The following MYH14 variants were observed in gnomAD, a reference collection of about 807,000 sequenced individuals.
MYH14 encodes the protein myosin-14.
Under a neutral mutation model 255.5 loss-of-function variants are expected in MYH14, and 123 were observed. The observed-to-expected ratio is 0.48, with a 90% confidence interval of 0.42 to 0.56. The LOEUF (loss-of-function observed/expected upper bound fraction) is 0.56. Ranked by LOEUF, MYH14 falls within the 20% of genes least tolerant of loss-of-function variation. The probability of loss-of-function intolerance (pLI) is 0.00; values close to 1 mark genes in which losing one functional copy is unlikely to be tolerated. For missense variants in MYH14, 2,423 were observed against 2,802.3 expected, an observed-to-expected ratio of 0.86 and a Z score of 3.06; for synonymous variants, 1,095 against 1,161.2, an observed-to-expected ratio of 0.94 and a Z score of 1.16.
At chr19:50,222,479 C>CAAAAAA (rs542179852) in intron 3 of MYH14, among the ~76,000 whole-genome samples, 1 of 69,858 alleles carries the variant, frequency 1.4e-5, no homozygotes. Context: ...GACTCCGTCT[C>CAAAAAA]AAAAAAAAAA....
intron 6 of MYH14, among the ~76,000 whole-genome samples, chr19:50,224,591 A>G (rs1394423354): frequency 6.6e-6 from 1 of 152,086 alleles, no homozygotes; most frequent in East Asian, 1.9e-4. Context: ...ATCTTAACAC[A>G]AGCAAGACAT....
rs1450278458 is a variant in MYH14 at position 50,289,543 on chromosome 19, G to A, written c.4860G>A (p.Lys1620=). The A allele has an allele frequency of 6.2e-7, 1 of 1,612,858 alleles. No individual in the cohort carries two copies. Among genetic ancestry groups the A allele is most frequent in the East Asian group, 2.2e-5 (1 of 44,872 alleles). The change falls in exon 35 of 43, where the codon AAG becomes AAA. Residue 1620 remains lysine (K), a synonymous_variant. Transcript: ENST00000642316. Reference sequence around the variant, plus strand: ...AGCTGACAGCGGCCGAGGATGCCAAGCTGCGTCTGGAGGTGACTGTGCAGG... The same window carrying A: ...AGCTGACAGCGGCCGAGGATGCCAAACTGCGTCTGGAGGTGACTGTGCAGG... ...EDELTAAEDA[K]LRLEVTVQAL...
chr19:50,309,247 G>A, intron 42 of MYH14, 70 bp downstream of exon 42: 2 of 1,459,390 alleles, frequency 1.4e-6, no homozygotes, highest in Non-Finnish European at 1.9e-6. Context: ...AGGGACGCGA[G>A]GCCGTGCCAG....
rs4801822 is a variant in MYH14, at chr19:50,223,313, G to T, written c.657G>T (p.Ala219=). 1 of 1,592,096 alleles carries T rather than the reference G, an allele frequency of 6.3e-7. No individual in the cohort carries two copies. Among genetic ancestry groups the T allele is most frequent in the Non-Finnish European group, 8.6e-7 (1 of 1,169,166 alleles). Residue 219 remains alanine, a synonymous_variant, in exon 5 of 43, where the codon GCG becomes GCT. Coordinates refer to ENST00000642316, the MANE Select transcript of MYH14 (RefSeq NM_001145809.2). ...KKVIQYLAHV[A]SSPKGRKEPG... is the part of the protein sequence containing the mutation. ...TCATCCAGTACCTCGCCCACGTGGC[G>T]TCGTCTCCAAAGGGCAGGAAGGAGC...
chr19:50,207,273 G>C (rs952966878), intron 1 of MYH14, among the ~76,000 whole-genome samples: 1 of 108,218 alleles, frequency 9.2e-6, no homozygotes, highest in East Asian at 3.8e-4. Flanking sequence ...GAGAGAGACA[G>C]AGAGAGAGAG....
rs766744183 is a variant in MYH14 at position 50,293,517 on chromosome 19, C to G, written c.5346-47C>G. 36 of 1,607,496 alleles carry G rather than the reference C, an allele frequency of 2.2e-5. 2 individuals carry two copies. In the South Asian group the frequency reaches 3.1e-4, roughly 14 times the overall value. Reference sequence around the variant, plus strand: ...CTGTAGTGTGAGGCAAGGCACCCTCCTCTGACCATCCTGTCCTTTCATCCC... The same window carrying G: ...CTGTAGTGTGAGGCAAGGCACCCTCGTCTGACCATCCTGTCCTTTCATCCC... On this transcript the variant is annotated intron_variant, in intron 38 of 42. Coordinates refer to ENST00000642316, the MANE Select transcript of MYH14 (RefSeq NM_001145809.2). The surrounding 1 kb of genome is among the most constrained non-coding windows in gnomAD (Gnocchi z 4.1).
rs1224011942 is a variant in MYH14, at chr19:50,223,324, A to G, written c.668A>G (p.Lys223Arg). Reference sequence around the variant, plus strand: ...CTCGCCCACGTGGCGTCGTCTCCAAAGGGCAGGAAGGAGCCGGGTGTCCCC... The same window carrying G: ...CTCGCCCACGTGGCGTCGTCTCCAAGGGGCAGGAAGGAGCCGGGTGTCCCC... The part of the protein sequence containing the change: ...QYLAHVASSP[K>R]GRKEPGVPAS... Residue 223 changes from lysine to arginine, a missense_variant, in exon 5 of 43, where the codon AAG (lysine) becomes AGG (arginine). Coordinates refer to ENST00000642316, the MANE Select transcript of MYH14 (RefSeq NM_001145809.2). 1.3e-6 allele frequency: 2 copies of G among 1,584,784 alleles called. No homozygotes were observed. Among genetic ancestry groups the G allele is most frequent in the Non-Finnish European group, 1.7e-6 (2 of 1,165,544 alleles).
rs869302796 is a variant in MYH14 at position 50,296,978 on chromosome 19, G to GT, written c.5469+3300dup. The stretch of plus-strand genomic sequence containing the variant: ...AAAGCAACAGGAATGTATTCTCTCT[G>GT]TTTTTTTTTGTTTGTTTGTTTGTTT... On this transcript the variant is annotated intron_variant, in intron 39 of 42. Coordinates refer to ENST00000642316, the MANE Select transcript of MYH14 (RefSeq NM_001145809.2). Among the ~76,000 whole-genome samples the GT allele has an allele frequency of 1.9e-3, 132 of 68,958 alleles. No individual in the cohort carries two copies. The Middle Eastern group carries it at 0.024, about 13-fold the overall frequency. 45.2% of individuals were successfully genotyped at this position (68,958 alleles called of 152,430 possible).
In MYH14 at chr19:50,240,503, C is replaced by G. The variant is rs2033849235; in HGVS notation, c.1115-3739C>G. ...GCTGTGGTGAGAGGATCGCTTGAGCCCAGGAAGTTGAGGCTGCAGTAAGCT... is the reference window on the plus strand; with the variant it reads ...GCTGTGGTGAGAGGATCGCTTGAGCGCAGGAAGTTGAGGCTGCAGTAAGCT... On this transcript the variant is annotated intron_variant, in intron 10 of 42. Transcript: ENST00000642316. Among the ~76,000 whole-genome samples, 3 of 152,050 alleles carry G rather than the reference C, an allele frequency of 2.0e-5. No homozygotes were observed. In the South Asian group the frequency reaches 6.2e-4, roughly 32 times the overall value.
At position 50,309,775 on chromosome 19, in the gene MYH14, A is replaced by ACC; in HGVS notation, c.6096_6097insCC (p.Ala2033ProfsTer37). On this transcript the variant is annotated frameshift_variant, in exon 43 of 43. Transcript: ENST00000642316. LOFTEE classifies it high-confidence loss of function. Reference sequence around the variant, plus strand: ...CCCCGGAGCCTGAGGGGTCCCCACCAGCCCACCCCCAGTGACCCTACCCTG... The same window carrying ACC: ...CCCCGGAGCCTGAGGGGTCCCCACCACCGCCCACCCCCAGTGACCCTACCCTG... The ACC allele has an allele frequency of 9.7e-7, 1 of 1,026,020 alleles. No individual in the cohort carries two copies. The highest frequency in any genetic ancestry group is 1.4e-6 in the Non-Finnish European group (1 of 714,964). 63.6% of individuals were successfully genotyped at this position (1,026,020 alleles called of 1,614,324 possible).
chr19:50,287,104 C>T (rs535108703), intron 34 of MYH14, among the ~76,000 whole-genome samples: 67 of 151,698 alleles, frequency 4.4e-4, no homozygotes, highest in African/African-American at 1.4e-3. Flanking sequence ...GGTGACAGAG[C>T]GAGACTGTCT....
At chr19:50,203,958 C>T (rs930388305) in intron 1 of MYH14, among the ~76,000 whole-genome samples, 3 of 152,182 alleles carry the variant, frequency 2.0e-5, no homozygotes, top group Non-Finnish European at 4.4e-5. Flanking sequence ...GAAACTGAGG[C>T]TGTCTTTGGA....
chr19:50,291,095 A>T, intron 36 of MYH14, 47 bp downstream of exon 36: 1 of 1,591,446 alleles, frequency 6.3e-7, no homozygotes, highest in Non-Finnish European at 8.6e-7. Context: ...TGGTGTCTTC[A>T]AGCCCCAACC....
At chr19:50,231,402 C>T (rs574556631) in intron 9 of MYH14, among the ~76,000 whole-genome samples, 9 of 152,316 alleles carry the variant, frequency 5.9e-5, no homozygotes, top group Non-Finnish European at 1.2e-4. Context: ...AAAGTCCCTG[C>T]GGAGGGAGCA....
At chr19:50,244,461 A>T (rs149936454) in intron 11 of MYH14, 124 bp downstream of exon 11, 72 of 690,032 alleles carry the variant, frequency 1.0e-4, no homozygotes, top group African/African-American at 1.0e-3. Flanking sequence ...CCAACCCAGG[A>T]TCACTCTGAT....
At position 50,249,646 on chromosome 19, in the gene MYH14, G is replaced by A. The variant is rs1319942844; in HGVS notation, c.1483-4G>A. On this transcript the variant is annotated splice_polypyrimidine_tract_variant and splice_region_variant and intron_variant, in intron 13 of 42. Coordinates refer to ENST00000642316, the MANE Select transcript of MYH14 (RefSeq NM_001145809.2). ...CCCAGCTCACGTGTCCTGCGTCCCT[G>A]CAGCTGAACTCCTTCGAGCAGCTCT... The A allele has an allele frequency of 1.2e-6, 2 of 1,613,956 alleles. No individual in the cohort carries two copies. Among genetic ancestry groups the A allele is most frequent in the East Asian group, 2.2e-5 (1 of 44,896 alleles).
chr19:50,222,453 C>T lies in MYH14; in HGVS notation c.563-630C>T, dbSNP rs2032878750. Among the ~76,000 whole-genome samples, 3 of 135,862 alleles carry T rather than the reference C, an allele frequency of 2.2e-5. No individual in the cohort carries two copies. In the South Asian group the frequency reaches 7.7e-4, roughly 35 times the overall value. The allele number at this position is 135,862 out of a possible 152,430, so 89.1% of individuals were successfully genotyped here. A position where few individuals can be genotyped will look rare whatever the true frequency, so the allele number is the denominator to read the frequency against. On this transcript the variant is annotated intron_variant, in intron 3 of 42. Transcript: ENST00000642316. The stretch of plus-strand genomic sequence containing the variant: ...CGAGATTGCGCCACTGTACTCCAGC[C>T]TGGGCGACAGAGCAAGACTCCGTCT...
chr19:50,280,464 C>T lies in MYH14; in HGVS notation c.4290+81C>T. 7.2e-7 allele frequency: 1 copy of T among 1,391,458 alleles called. No homozygotes were observed. Among genetic ancestry groups the T allele is most frequent in the Non-Finnish European group, 9.6e-7 (1 of 1,045,326 alleles). 86.2% of individuals were successfully genotyped at this position (1,391,458 alleles called of 1,614,324 possible). A position where few individuals can be genotyped will look rare whatever the true frequency, so the allele number is the denominator to read the frequency against. The stretch of plus-strand genomic sequence containing the variant: ...CTGGGTTCCCCAGCTCAGGGATGGC[C>T]ATGCTGCCCACCTTCTCATAGGCCA... On this transcript the variant is annotated intron_variant, in intron 32 of 42. Transcript: ENST00000642316. This position sits in a 1 kb window ranked among gnomAD's most constrained non-coding sequence, Gnocchi z 4.8.
intron 34 of MYH14, among the ~76,000 whole-genome samples, chr19:50,287,369 C>A (rs1352325793): frequency 6.6e-6 from 1 of 152,200 alleles, no homozygotes; most frequent in African/African-American, 2.4e-5. Flanking sequence ...TTTGTGTACA[C>A]GGGATGTAAG....
Sources: allele counts gnomAD v4.1 joint callset (sites outside exome capture counted in the v4.1 genomes callset), GRCh38; gene constraint gnomAD v4.1.1; non-coding constraint Gnocchi (gnomAD v3.1); transcripts MANE v1.5; gene names NCBI Gene and HGNC (gene_info 2026-07-23, HGNC 2026-07-21).